Variants in CDH20 observed in about 807,000 individuals in gnomAD.
The protein encoded by CDH20 is cadherin 20.
Under a neutral mutation model 74.2 loss-of-function variants are expected in CDH20, and 29 were observed. That is an observed-to-expected ratio of 0.39 (90% CI 0.29 to 0.53). The LOEUF is 0.53. Ranked by LOEUF, CDH20 falls within the 20% of genes least tolerant of loss-of-function variation. The pLI, the probability that CDH20 is intolerant of heterozygous loss-of-function variation, is 0.69. For missense variants in CDH20, 988 were observed against 1,048.3 expected, an observed-to-expected ratio of 0.94 and a Z score of 0.79; for synonymous variants, 469 against 405.4, an observed-to-expected ratio of 1.16 and a Z score of -1.88.
intron 1 of CDH20, among the ~76,000 whole-genome samples, chr18:61,428,182 T>G (rs534153417): frequency 6.6e-6 from 1 of 152,290 alleles, no homozygotes; most frequent in African/African-American, 2.4e-5. Flanking sequence ...GTTTCCCAAG[T>G]AATCCTTTTT....
intron 1 of CDH20, among the ~76,000 whole-genome samples, chr18:61,426,227 G>A (rs1230784967): frequency 6.6e-6 from 1 of 151,948 alleles, no homozygotes; most frequent in African/African-American, 2.4e-5. Context: ...GGGAAAAAGA[G>A]AGCCCCTTTT....
At chr18:61,408,915 A>G (rs939008173) in intron 1 of CDH20, among the ~76,000 whole-genome samples, 7 of 152,220 alleles carry the variant, frequency 4.6e-5, no homozygotes, top group African/African-American at 1.7e-4. Context: ...TAATACTAAT[A>G]CAAAAAAAAA....
intron 1 of CDH20, among the ~76,000 whole-genome samples, chr18:61,345,819 G>A (rs1229912782): frequency 6.6e-6 from 1 of 152,292 alleles, no homozygotes. Flanking sequence ...TCCTCCACGA[G>A]CCACCCAGAA....
chr18:61,506,428 C>A (rs1472562447), intron 5 of CDH20, among the ~76,000 whole-genome samples: 1 of 152,158 alleles, frequency 6.6e-6, no homozygotes, highest in Non-Finnish European at 1.5e-5. Flanking sequence ...CTCCCTGATT[C>A]TTTGTGAAAC....
intron 1 of CDH20, among the ~76,000 whole-genome samples, chr18:61,415,985 TGATGAGTAA>T (rs1362934346): frequency 6.6e-6 from 1 of 152,068 alleles, no homozygotes; most frequent in Non-Finnish European, 1.5e-5. Context: ...TGTTAATAAT[TGATGAGTAA>T]TGATGAAATA....
chr18:61,336,859 A>C (rs142830423), intron 1 of CDH20, among the ~76,000 whole-genome samples: 1 of 152,316 alleles, frequency 6.6e-6, no homozygotes, highest in African/African-American at 2.4e-5. Flanking sequence ...CCTAAAAAAA[A>C]AATGTCCACT....
intron 1 of CDH20, among the ~76,000 whole-genome samples, chr18:61,389,048 TC>T (rs1911688964): frequency 1.3e-5 from 2 of 152,006 alleles, no homozygotes; most frequent in South Asian, 4.2e-4. Context: ...CCATTCAGGG[TC>T]CCCTCACAGC....
intron 6 of CDH20, among the ~76,000 whole-genome samples, chr18:61,517,947 C>A (rs558323898): frequency 6.6e-6 from 1 of 152,196 alleles, no homozygotes; most frequent in South Asian, 2.1e-4. Flanking sequence ...GGGGGGTCCA[C>A]CATTACTGAA....
At chr18:61,531,022 C>A (rs1413586358) in intron 7 of CDH20, among the ~76,000 whole-genome samples, 2 of 152,200 alleles carry the variant, frequency 1.3e-5, no homozygotes, top group African/African-American at 2.4e-5. Context: ...GAAAAGAAAA[C>A]CACCTACATA....
chr18:61,359,252 G>A (rs1199049573), intron 1 of CDH20, among the ~76,000 whole-genome samples: 2 of 151,604 alleles, frequency 1.3e-5, no homozygotes, highest in Non-Finnish European at 2.9e-5. Context: ...CATTTTATAG[G>A]GACTCAATTT....
intron 1 of CDH20, among the ~76,000 whole-genome samples, chr18:61,471,588 A>G (rs1910178372): frequency 6.6e-6 from 1 of 152,208 alleles, no homozygotes; most frequent in African/African-American, 2.4e-5. Context: ...ATCATTAGAG[A>G]ATGATCCCTG....
intron 1 of CDH20, among the ~76,000 whole-genome samples, chr18:61,398,914 T>TG (rs1912072216): frequency 6.6e-6 from 1 of 152,184 alleles, no homozygotes; most frequent in Non-Finnish European, 1.5e-5. Flanking sequence ...AGCACAAGTC[T>TG]GCCAGGGAGG....
intron 7 of CDH20, among the ~76,000 whole-genome samples, chr18:61,534,118 C>G (rs1026964637): frequency 6.6e-6 from 1 of 152,054 alleles, no homozygotes; most frequent in Non-Finnish European, 1.5e-5. Flanking sequence ...ATACAAATGA[C>G]CAACATACAT....
intron 1 of CDH20, among the ~76,000 whole-genome samples, chr18:61,476,070 G>C (rs58041024): frequency 0.013 from 1,914 of 152,172 alleles, 44 homozygotes; most frequent in African/African-American, 0.044. Flanking sequence ...TTTCTAAAGA[G>C]AGCCACAATA....
chr18:61,438,670 T>C (rs1965771556), intron 1 of CDH20, among the ~76,000 whole-genome samples: 1 of 152,156 alleles, frequency 6.6e-6, no homozygotes, highest in Non-Finnish European at 1.5e-5. Flanking sequence ...TGTTAATTAA[T>C]TCAGTCACTG....
intron 1 of CDH20, among the ~76,000 whole-genome samples, chr18:61,395,611 C>A (rs1348732019): frequency 6.6e-6 from 1 of 152,162 alleles, no homozygotes; most frequent in Non-Finnish European, 1.5e-5. Flanking sequence ...CCTCCAACTT[C>A]TGAAATTAAA....
intron 1 of CDH20, among the ~76,000 whole-genome samples, chr18:61,376,022 T>C (rs939042404): frequency 3.3e-5 from 5 of 152,166 alleles, no homozygotes; most frequent in South Asian, 4.1e-4. Flanking sequence ...TAATAGTACA[T>C]TGACTGCTTA....
intron 1 of CDH20, among the ~76,000 whole-genome samples, chr18:61,356,192 C>T (rs7236816): frequency 2.0e-5 from 3 of 152,146 alleles, no homozygotes; most frequent in Non-Finnish European, 4.4e-5. Flanking sequence ...AAATACAGTT[C>T]TAAATTATAA....
At chr18:61,486,223 C>T (rs1026851364) in intron 1 of CDH20, among the ~76,000 whole-genome samples, 12 of 152,118 alleles carry the variant, frequency 7.9e-5, no homozygotes, top group African/African-American at 2.4e-4. Context: ...CCATACTATC[C>T]ACCCTGTCCA....
Sources: gnomAD v4.1 joint callset for allele counts (sites outside exome capture counted in the v4.1 genomes callset) on GRCh38, gnomAD v4.1.1 for gene constraint, MANE v1.5 for transcripts, NCBI Gene and HGNC (gene_info 2026-07-23, HGNC 2026-07-21) for gene names.